The following KIAA1549 variants were observed in gnomAD, a reference collection of about 807,000 sequenced individuals.
KIAA1549 encodes KIAA1549.
A neutral mutation model predicts 156.4 loss-of-function variants in KIAA1549; 70 were observed. That is an observed-to-expected ratio of 0.45 (90% CI 0.37 to 0.55). The LOEUF (loss-of-function observed/expected upper bound fraction) is 0.55, where lower values mean the gene tolerates loss of function less well. KIAA1549 is among the 20% of genes least tolerant of loss of function. The pLI is 0.00. For missense variants in KIAA1549, 2,428 were observed against 2,540.9 expected, an observed-to-expected ratio of 0.96 and a Z score of 0.96; for synonymous variants, 1,103 against 1,066.4, an observed-to-expected ratio of 1.03 and a Z score of -0.67.
At position 138,833,214 on chromosome 7, in the gene KIAA1549, C is replaced by T. The variant is rs1172630889; in HGVS notation, c.*4692G>A. ...GGGAGTTAAGACCGGAGTCCTCCTT[C>T]CCCTGTGCCCAAAACGTTACCCAGC... On this transcript the variant is annotated 3_prime_UTR_variant, in exon 20 of 20. Coordinates refer to ENST00000422774, the MANE Select transcript of KIAA1549 (RefSeq NM_001164665.2). 2 of 232,602 alleles carry T rather than the reference C, an allele frequency of 8.6e-6. No individual in the cohort carries two copies. Among genetic ancestry groups the T allele is most frequent in the Non-Finnish European group, 1.7e-5 (2 of 117,734 alleles). 14.4% of individuals were successfully genotyped at this position (232,602 alleles called of 1,614,324 possible).
intron 11 of KIAA1549, among the ~76,000 whole-genome samples, chr7:138,879,910 T>A (rs570083353): frequency 1.8e-4 from 28 of 152,216 alleles, no homozygotes; most frequent in African/African-American, 6.7e-4. Flanking sequence ...AAGTGCCAGA[T>A]AGGAGGAAGG....
intron 1 of KIAA1549, among the ~76,000 whole-genome samples, chr7:138,946,584 A>T (rs935034764): frequency 1.3e-5 from 2 of 152,182 alleles, no homozygotes; most frequent in Non-Finnish European, 2.9e-5. Context: ...GTTCAAGACC[A>T]GCCTGAGCAA....
At chr7:138,889,849 T>C (rs1307939648) in intron 10 of KIAA1549, among the ~76,000 whole-genome samples, 1 of 152,180 alleles carries the variant, frequency 6.6e-6, no homozygotes, top group Non-Finnish European at 1.5e-5. Context: ...CTGCCCCTCC[T>C]CCCTTAGATA....
chr7:138,919,003 A>C lies in KIAA1549; in HGVS notation c.623T>G (p.Val208Gly). The change falls in exon 2 of 20, where the codon GTG (valine) becomes GGG (glycine). Residue 208 changes from valine to glycine, a missense_variant. Transcript: ENST00000422774. ...CGTTGTGTTCTGCCAGCCCGATGTCACTTCTTCATCTTGTAAAGAAACCAT... is the reference window on the plus strand; with the variant it reads ...CGTTGTGTTCTGCCAGCCCGATGTCCCTTCTTCATCTTGTAAAGAAACCAT... ...LPMVSLQDEE[V>G]TSGWQNTTRQ... 3 of 1,614,004 alleles carry C rather than the reference A, an allele frequency of 1.9e-6. No individual in the cohort carries two copies. Among genetic ancestry groups the C allele is most frequent in the Admixed American group, 1.7e-5 (1 of 60,024 alleles).
chr7:138,976,352 C>T (rs1376406033), intron 1 of KIAA1549, among the ~76,000 whole-genome samples: 1 of 152,142 alleles, frequency 6.6e-6, no homozygotes. Context: ...TGAGTCACCG[C>T]GCCCGGCCTC....
intron 1 of KIAA1549, among the ~76,000 whole-genome samples, chr7:138,979,981 T>C (rs751987018): frequency 1.3e-5 from 2 of 152,206 alleles, no homozygotes; most frequent in Non-Finnish European, 2.9e-5. Context: ...TGTGCTTCTA[T>C]TGTACCATCC....
chr7:138,979,943 C>A (rs1459796442), intron 1 of KIAA1549, among the ~76,000 whole-genome samples: 1 of 152,182 alleles, frequency 6.6e-6, no homozygotes, highest in African/African-American at 2.4e-5. Flanking sequence ...GCAGAGTGGA[C>A]CTGTTCCATG....
chr7:138,943,675 C>T (rs1584774448), intron 1 of KIAA1549, among the ~76,000 whole-genome samples: 1 of 152,042 alleles, frequency 6.6e-6, no homozygotes, highest in Non-Finnish European at 1.5e-5. Flanking sequence ...TGGTGAAACC[C>T]CGTCTCTACT....
chr7:138,966,280 G>GCA (rs144935267), intron 1 of KIAA1549, among the ~76,000 whole-genome samples: 4 of 151,116 alleles, frequency 2.6e-5, no homozygotes, highest in African/African-American at 4.9e-5. Context: ...AAATTTGCAC[G>GCA]CACACACACA....
chr7:138,981,365 A>C lies in KIAA1549; in HGVS notation c.-96T>G. 1 of 425,812 alleles carries C rather than the reference A, an allele frequency of 2.3e-6. No individual in the cohort carries two copies. The highest frequency in any genetic ancestry group is 3.1e-6 in the Non-Finnish European group (1 of 322,746). The allele number at this position is 425,812 out of a possible 1,614,324, so 26.4% of individuals were successfully genotyped here. A position where few individuals can be genotyped will look rare whatever the true frequency, so the allele number is the denominator to read the frequency against. ...CTGCGGCTGGGACGGGGCGCCGCGC[A>C]CCGGCGCGGAGGGAGGCCGGAGAGG... is the stretch of plus-strand genomic sequence containing the variant. On this transcript the variant is annotated 5_prime_UTR_variant, in exon 1 of 20. Coordinates refer to ENST00000422774, the MANE Select transcript of KIAA1549 (RefSeq NM_001164665.2). The surrounding 1 kb of genome is among the most constrained non-coding windows in gnomAD (Gnocchi z 4.5).
chr7:138,921,384 G>A (rs1812559083), intron 1 of KIAA1549, among the ~76,000 whole-genome samples: 1 of 152,110 alleles, frequency 6.6e-6, no homozygotes, highest in Non-Finnish European at 1.5e-5. Context: ...GCTTTCTGGC[G>A]GAAAACCCAG....
At chr7:138,949,400 C>T (rs979814658) in intron 1 of KIAA1549, among the ~76,000 whole-genome samples, 3 of 151,646 alleles carry the variant, frequency 2.0e-5, no homozygotes, top group Non-Finnish European at 4.4e-5. Flanking sequence ...AGGATAGACC[C>T]GCATATTAGG....
intron 1 of KIAA1549, among the ~76,000 whole-genome samples, chr7:138,921,594 C>T (rs991360553): frequency 2.6e-5 from 4 of 152,130 alleles, no homozygotes; most frequent in Admixed American, 6.5e-5. Flanking sequence ...GGGCCAGGCG[C>T]GGTGGCTCAG....
intron 1 of KIAA1549, among the ~76,000 whole-genome samples, chr7:138,942,763 A>G (rs557442220): frequency 6.6e-6 from 1 of 152,290 alleles, no homozygotes; most frequent in Admixed American, 6.5e-5. Context: ...ATAAAAAATT[A>G]GCCAGGCATG....
At chr7:138,888,923 T>C (rs1425914722) in intron 10 of KIAA1549, among the ~76,000 whole-genome samples, 2 of 152,230 alleles carry the variant, frequency 1.3e-5, no homozygotes, top group East Asian at 1.9e-4. Context: ...CAGCTGATGA[T>C]AAAAATCCTA....
At position 138,879,500 on chromosome 7, in the gene KIAA1549, G is replaced by A. The variant is rs1406547818; in HGVS notation, c.4345+38C>T. ...GCCCCAGCCTTTGGACTCTCATAGG[G>A]ACTACTTTTAATGGGAAGAACCAGA... On this transcript the variant is annotated intron_variant, in intron 12 of 19. Transcript: ENST00000422774. The A allele has an allele frequency of 4.3e-5, 55 of 1,279,704 alleles. 1 individual carries two copies. In the Admixed American group the frequency reaches 1.0e-3, roughly 24 times the overall value. 79.3% of individuals were successfully genotyped at this position (1,279,704 alleles called of 1,614,324 possible).
chr7:138,916,698 C>T (rs752408694), intron 2 of KIAA1549, 50 bp downstream of exon 2: 22 of 1,599,134 alleles, frequency 1.4e-5, no homozygotes, highest in Non-Finnish European at 1.9e-5. Flanking sequence ...CACACAAGCT[C>T]CTTAGAAAGA....
Position 138,886,053 on chromosome 7 carries a change from TTGACTGTTGTGTGG to T in KIAA1549, c.4033-4483_4033-4470del, listed in dbSNP as rs1811383202. 2.6e-5 allele frequency among the ~76,000 whole-genome samples: 4 copies of T among 152,244 alleles called. No individual in the cohort carries two copies. In the South Asian group the frequency reaches 8.3e-4, roughly 32 times the overall value. ...AATTCGGTCACAGAAGTCTCCTGTG[TTGACTGTTGTGTGG>T]TGTGAGAGCAGAGGAGAAACATGGT... On this transcript the variant is annotated intron_variant, in intron 10 of 19. Transcript: ENST00000422774.
At chr7:138,937,406 TCATTC>T (rs1238299074) in intron 1 of KIAA1549, among the ~76,000 whole-genome samples, 1 of 152,176 alleles carries the variant, frequency 6.6e-6, no homozygotes, top group East Asian at 1.9e-4. Context: ...GTCCATTCAT[TCATTC>T]ATGAGTCCAA....
Sources: gnomAD v4.1 joint callset for allele counts (sites outside exome capture counted in the v4.1 genomes callset) on GRCh38, gnomAD v4.1.1 for gene constraint, Gnocchi (gnomAD v3.1) non-coding constraint, MANE v1.5 for transcripts, NCBI Gene and HGNC (gene_info 2026-07-23, HGNC 2026-07-21) for gene names.